The following ST6GALNAC3 variants were observed in gnomAD, a reference collection of about 807,000 sequenced individuals.
ST6GALNAC3 encodes the protein ST6 N-acetylgalactosaminide alpha-2,6-sialyltransferase 3.
ST6GALNAC3 carries 25 observed loss-of-function variants against 32.7 expected under a neutral mutation model. That is an observed-to-expected ratio of 0.76 (90% CI 0.56 to 1.07). The LOEUF is 1.07. Ranked by LOEUF, ST6GALNAC3 falls within the 50% of genes least tolerant of loss-of-function variation. The probability of loss-of-function intolerance (pLI) is 0.00; values close to 1 mark genes in which losing one functional copy is unlikely to be tolerated. For synonymous variants in ST6GALNAC3, 129 were observed against 133.1 expected (o/e 0.97, Z 0.21); for missense variants, 355 against 382.4 (o/e 0.93, Z 0.60).
chr1:76,511,842 A>G (rs1661884530), intron 3 of ST6GALNAC3, among the ~76,000 whole-genome samples: 1 of 152,244 alleles, frequency 6.6e-6, no homozygotes. Flanking sequence ...ATATGAATAA[A>G]TGATTTCAAA....
At chr1:76,289,261 G>A (rs1331606833) in intron 1 of ST6GALNAC3, among the ~76,000 whole-genome samples, 2 of 152,228 alleles carry the variant, frequency 1.3e-5, no homozygotes, top group East Asian at 1.9e-4. Flanking sequence ...GCATTTTTGG[G>A]CACATTTTCT....
chr1:76,278,642 GAAGAA>G (rs1046338990), intron 1 of ST6GALNAC3, among the ~76,000 whole-genome samples: 3 of 151,896 alleles, frequency 2.0e-5, no homozygotes, highest in African/African-American at 7.3e-5. Context: ...CTTGAACGGA[GAAGAA>G]AAGAAAAATA....
At chr1:76,510,621 A>G (rs1661795753) in intron 3 of ST6GALNAC3, among the ~76,000 whole-genome samples, 1 of 152,202 alleles carries the variant, frequency 6.6e-6, no homozygotes, top group Non-Finnish European at 1.5e-5. Flanking sequence ...ATCTGTACAC[A>G]GATGCTCCTT....
intron 3 of ST6GALNAC3, among the ~76,000 whole-genome samples, chr1:76,625,374 C>T (rs1429462104): frequency 6.6e-6 from 1 of 151,364 alleles, no homozygotes; most frequent in East Asian, 1.9e-4. Context: ...TAGAAACAAA[C>T]AAATGCCGTA....
Position 76,631,025 on chromosome 1 carries a change from T to C in ST6GALNAC3, c.*2219T>C, listed in dbSNP as rs955683687. ...GCCAACTCTTATTTGTTCTAGCCCC[T>C]ACTGATGAGAAACATTTGAAAACTT... On this transcript the variant is annotated 3_prime_UTR_variant, in exon 5 of 5. Transcript: ENST00000328299. 5.1e-6 allele frequency: 5 copies of C among 985,504 alleles called. No individual in the cohort carries two copies. In the African/African-American group the frequency reaches 7.0e-5, roughly 14 times the overall value. 61.0% of individuals were successfully genotyped at this position (985,504 alleles called of 1,614,324 possible).
intron 1 of ST6GALNAC3, among the ~76,000 whole-genome samples, chr1:76,183,380 G>C (rs72674478): frequency 0.035 from 5,353 of 152,032 alleles, 204 homozygotes; most frequent in African/African-American, 0.098. Context: ...TTTCAGAAAT[G>C]GCTTTTTATG....
At chr1:76,507,321 A>T (rs567861160) in intron 3 of ST6GALNAC3, among the ~76,000 whole-genome samples, 31 of 152,196 alleles carry the variant, frequency 2.0e-4, no homozygotes, top group Middle Eastern at 3.2e-3. Context: ...ACCCATTTAA[A>T]GTGTATAATT....
At chr1:76,306,029 G>C (rs756711379) in intron 1 of ST6GALNAC3, 4 of 423,478 alleles carry the variant, frequency 9.4e-6, no homozygotes, top group Non-Finnish European at 1.9e-5. Context: ...GCCTTAGGTA[G>C]ATTTTGTAAT....
chr1:76,419,944 C>CTTTTTTTTTTTTT (rs66531652), intron 3 of ST6GALNAC3, among the ~76,000 whole-genome samples: 3 of 138,802 alleles, frequency 2.2e-5, no homozygotes, highest in South Asian at 2.2e-4. Flanking sequence ...TTCTTTCTTT[C>CTTTTTTTTTTTTT]TTTTTTTTTT....
chr1:76,373,019 A>G (rs2101086278), intron 2 of ST6GALNAC3, among the ~76,000 whole-genome samples: 1 of 152,198 alleles, frequency 6.6e-6, no homozygotes, highest in South Asian at 2.1e-4. Context: ...CTGGTCTCTA[A>G]GTCCTGGGCT....
At chr1:76,316,280 T>G (rs912823196) in intron 2 of ST6GALNAC3, among the ~76,000 whole-genome samples, 9 of 151,242 alleles carry the variant, frequency 6.0e-5, no homozygotes, top group African/African-American at 1.9e-4. Flanking sequence ...TTTCTAGTCA[T>G]GGATATCTAC....
chr1:76,385,241 C>T (rs1036345981), intron 2 of ST6GALNAC3, among the ~76,000 whole-genome samples: 5 of 152,088 alleles, frequency 3.3e-5, no homozygotes, highest in Non-Finnish European at 4.4e-5. Flanking sequence ...CTGTATCAGT[C>T]ATGAGACTTC....
chr1:76,377,654 CATT>C (rs1161630063), intron 2 of ST6GALNAC3, among the ~76,000 whole-genome samples: 1 of 152,130 alleles, frequency 6.6e-6, no homozygotes, highest in African/African-American at 2.4e-5. Context: ...CAAACTATAT[CATT>C]GAGTATCCAG....
At chr1:76,587,011 G>C (rs183911544) in intron 3 of ST6GALNAC3, among the ~76,000 whole-genome samples, 1 of 152,158 alleles carries the variant, frequency 6.6e-6, no homozygotes, top group African/African-American at 2.4e-5. Flanking sequence ...GTTAGACTGT[G>C]TGTCCATTTG....
chr1:76,368,700 T>G (rs1446067139), intron 2 of ST6GALNAC3, among the ~76,000 whole-genome samples: 1 of 152,218 alleles, frequency 6.6e-6, no homozygotes, highest in Non-Finnish European at 1.5e-5. Flanking sequence ...TTCCTTACTT[T>G]GTTAGGATCA....
At chr1:76,262,318 A>C (rs1002260103) in intron 1 of ST6GALNAC3, among the ~76,000 whole-genome samples, 5 of 152,190 alleles carry the variant, frequency 3.3e-5, no homozygotes, top group Non-Finnish European at 7.3e-5. Flanking sequence ...TCTGCCTGAC[A>C]CCAGTGCCAC....
intron 3 of ST6GALNAC3, among the ~76,000 whole-genome samples, chr1:76,566,707 C>T (rs1160533323): frequency 1.3e-5 from 2 of 152,184 alleles, no homozygotes; most frequent in Non-Finnish European, 2.9e-5. Flanking sequence ...ACCCATCACT[C>T]TCTCTTGCCC....
At chr1:76,330,647 T>C (rs183904707) in intron 2 of ST6GALNAC3, among the ~76,000 whole-genome samples, 3 of 152,204 alleles carry the variant, frequency 2.0e-5, no homozygotes, top group African/African-American at 7.2e-5. Flanking sequence ...TTGCCAGATA[T>C]CCACTTAGTC....
At chr1:76,608,597 ATGTGTGTGTGTGTG>A (rs60960904) in intron 3 of ST6GALNAC3, among the ~76,000 whole-genome samples, 1,365 of 135,254 alleles carry the variant, frequency 0.01, 15 homozygotes, top group African/African-American at 0.03. Flanking sequence ...TGAGCTGGAA[ATGTGTGTGTGTGTG>A]TGTGTGTGTG....
Sources: allele counts gnomAD v4.1 joint callset (sites outside exome capture counted in the v4.1 genomes callset), GRCh38; gene constraint gnomAD v4.1.1; transcripts MANE v1.5; gene names NCBI Gene and HGNC (gene_info 2026-07-23, HGNC 2026-07-21).